UPP2: variants seen among roughly 807,000 people sequenced by gnomAD.
UPP2 encodes uridine phosphorylase 2, also known as UPase 2.
A neutral mutation model predicts 26.7 loss-of-function variants in UPP2; 23 were observed. The observed-to-expected ratio is 0.86, with a 90% CI of 0.62 to 1.22. The LOEUF (loss-of-function observed/expected upper bound fraction) is 1.22. UPP2 is among the 50% of genes most tolerant of loss of function. The pLI is 0.00. For missense variants in UPP2, 387 were observed against 396.7 expected (o/e 0.98, Z 0.21); for synonymous variants, 127 against 141.3 (o/e 0.90, Z 0.72).
intron 3 of UPP2, among the ~76,000 whole-genome samples, chr2:158,041,266 A>T (rs1684078321): frequency 6.6e-6 from 1 of 152,176 alleles, no homozygotes; most frequent in Non-Finnish European, 1.5e-5. Flanking sequence ...ATCATTTAGT[A>T]TTTATTTTAT....
chr2:158,058,660 C>A (rs532511025), intron 3 of UPP2, among the ~76,000 whole-genome samples: 2 of 152,204 alleles, frequency 1.3e-5, no homozygotes, highest in South Asian at 4.2e-4. Context: ...CAGACTAATA[C>A]ATCCCATCAA....
chr2:158,007,526 G>A (rs545755566), intron 2 of UPP2, among the ~76,000 whole-genome samples: 1 of 152,178 alleles, frequency 6.6e-6, no homozygotes, highest in South Asian at 2.1e-4. Context: ...ATTGTGAAGT[G>A]CTCTCTGCTG....
chr2:158,013,802 A>G (rs1188312429), intron 2 of UPP2, among the ~76,000 whole-genome samples: 2 of 152,260 alleles, frequency 1.3e-5, no homozygotes, highest in South Asian at 2.1e-4. Flanking sequence ...TAGCACATGC[A>G]GATGAAGGAA....
At chr2:158,042,697 A>G (rs568496835) in intron 3 of UPP2, among the ~76,000 whole-genome samples, 2 of 152,284 alleles carry the variant, frequency 1.3e-5, no homozygotes, top group African/African-American at 4.8e-5. Flanking sequence ...GGGTGACCTT[A>G]TAGGAAGAGA....
intron 3 of UPP2, among the ~76,000 whole-genome samples, chr2:158,042,979 G>A (rs1206716320): frequency 6.6e-6 from 1 of 152,224 alleles, no homozygotes; most frequent in East Asian, 1.9e-4. Context: ...AAAGCCAAAT[G>A]TTGACAGTCT....
Position 158,120,017 on chromosome 2 carries a change from A to T in UPP2, c.455-1392A>T, listed in dbSNP as rs567068083. On this transcript the variant is annotated intron_variant, in intron 4 of 6. Coordinates refer to ENST00000005756, the MANE Select transcript of UPP2 (RefSeq NM_173355.4). ...CAGAGCAAGACCTCATCTCAAAAAA[A>T]AAAAATAAAAATAAAAATAAATTAA... Among the ~76,000 whole-genome samples the T allele has an allele frequency of 1.2e-3, 177 of 151,676 alleles. 1 individual carries two copies. Among genetic ancestry groups the T allele is most frequent in the Middle Eastern group, 6.8e-3 (2 of 294 alleles).
At chr2:158,075,120 T>C (rs961479823) in intron 3 of UPP2, among the ~76,000 whole-genome samples, 3 of 151,992 alleles carry the variant, frequency 2.0e-5, no homozygotes, top group African/African-American at 7.2e-5. Flanking sequence ...TACCCAGATA[T>C]AAAGCAAATA....
intron 3 of UPP2, among the ~76,000 whole-genome samples, chr2:158,024,971 G>T (rs1574250832): frequency 6.6e-6 from 1 of 152,246 alleles, no homozygotes; most frequent in Non-Finnish European, 1.5e-5. Context: ...GGAGGCCAAG[G>T]CGGGTGAATC....
At chr2:158,021,181 C>T (rs1352142153) in intron 3 of UPP2, among the ~76,000 whole-genome samples, 2 of 152,218 alleles carry the variant, frequency 1.3e-5, no homozygotes, top group Admixed American at 6.5e-5. Flanking sequence ...GAGCAATAGT[C>T]TCCATGCAGT....
intron 3 of UPP2, among the ~76,000 whole-genome samples, chr2:158,068,788 ATATATATATATATATTTTTTTTTTTT>A (rs1682482570): frequency 9.2e-5 from 2 of 21,686 alleles, no homozygotes; most frequent in African/African-American, 4.2e-4. Context: ...ATATATATAT[ATATATATATATATATTTTTTTTTTTT>A]TTTTTTTTTT....
chr2:158,128,354 G>A (rs146745339), intron 6 of UPP2, among the ~76,000 whole-genome samples: 205 of 152,258 alleles, frequency 1.3e-3, no homozygotes, highest in African/African-American at 4.6e-3. Context: ...GAAGGATATT[G>A]GACTCTGAGA....
chr2:158,108,700 C>G (rs1165758213), intron 2 of UPP2, among the ~76,000 whole-genome samples: 1 of 152,244 alleles, frequency 6.6e-6, no homozygotes, highest in African/African-American at 2.4e-5. Context: ...AGATTTTGTT[C>G]AGCACTTATT....
At chr2:158,124,030 A>C in intron 6 of UPP2, 135 bp downstream of exon 6, 1 of 904,552 alleles carries the variant, frequency 1.1e-6, no homozygotes. Context: ...TATATAATAT[A>C]CATTATCTCA....
intron 3 of UPP2, among the ~76,000 whole-genome samples, chr2:158,050,592 G>T (rs1018236740): frequency 6.6e-6 from 1 of 152,092 alleles, no homozygotes; most frequent in African/African-American, 2.4e-5. Context: ...GAGCCTGGAA[G>T]TTCCAGGCCA....
At chr2:158,044,250 A>G (rs6707195) in intron 3 of UPP2, among the ~76,000 whole-genome samples, 99,879 of 152,060 alleles carry the variant, frequency 0.66, 34,297 homozygotes, top group East Asian at 0.97. Context: ...GTTCCCCTTT[A>G]CAGGCCAGTT....
chr2:158,096,529 G>A (rs959252732), intron 3 of UPP2, among the ~76,000 whole-genome samples: 4 of 152,192 alleles, frequency 2.6e-5, no homozygotes, highest in African/African-American at 9.7e-5. Flanking sequence ...AGCCTGGGAA[G>A]CGGAGGTTGC....
At chr2:158,118,491 C>T (rs544009667) in intron 4 of UPP2, among the ~76,000 whole-genome samples, 1 of 151,912 alleles carries the variant, frequency 6.6e-6, no homozygotes, top group Non-Finnish European at 1.5e-5. Context: ...TTTCACAGAG[C>T]CTCCCAACCT....
intron 3 of UPP2, among the ~76,000 whole-genome samples, chr2:158,077,005 T>A (rs1403752573): frequency 1.3e-5 from 2 of 152,088 alleles, no homozygotes; most frequent in Non-Finnish European, 2.9e-5. Flanking sequence ...CGAAAATCAG[T>A]AGCATTTCTA....
chr2:158,021,975 A>T (rs973975687), intron 3 of UPP2, among the ~76,000 whole-genome samples: 1 of 152,194 alleles, frequency 6.6e-6, no homozygotes, highest in African/African-American at 2.4e-5. Flanking sequence ...ATCCATATAC[A>T]TTTCCTGACA....
Sources: gnomAD v4.1 joint callset for allele counts (sites outside exome capture counted in the v4.1 genomes callset) on GRCh38, gnomAD v4.1.1 for gene constraint, MANE v1.5 for transcripts, NCBI Gene and HGNC (gene_info 2026-07-23, HGNC 2026-07-21) for gene names.